SEMA3A: variants seen among roughly 807,000 people sequenced by gnomAD.
SEMA3A encodes semaphorin 3A.
In SEMA3A, 29 loss-of-function variants were observed where a neutral mutation model predicts 97.9. That is an observed-to-expected ratio of 0.30 (90% CI 0.22 to 0.40). SEMA3A has a LOEUF of 0.40. SEMA3A is among the 10% of genes least tolerant of loss of function. SEMA3A has a pLI of 1.00. For synonymous variants in SEMA3A, 321 were observed against 323.7 expected (o/e 0.99, Z 0.09); for missense variants, 763 against 951.3 (o/e 0.80, Z 2.60).
chr7:84,313,710 T>C (rs892289946), intron 2 of SEMA3A, among the ~76,000 whole-genome samples: 2 of 151,810 alleles, frequency 1.3e-5, no homozygotes, highest in East Asian at 1.9e-4. Flanking sequence ...AGCGACAGAA[T>C]CCAATTTTGA....
intron 1 of SEMA3A, among the ~76,000 whole-genome samples, chr7:84,142,009 C>T (rs1445415605): frequency 6.6e-6 from 1 of 152,188 alleles, no homozygotes; most frequent in Non-Finnish European, 1.5e-5. Flanking sequence ...CCACACAAGA[C>T]ACAAGTGTCC....
intron 1 of SEMA3A, among the ~76,000 whole-genome samples, chr7:84,413,101 T>A (rs1391626259): frequency 6.6e-6 from 1 of 152,142 alleles, no homozygotes; most frequent in Admixed American, 6.6e-5. Flanking sequence ...GCTTCTGGAA[T>A]GATTACTATT....
intron 1 of SEMA3A, among the ~76,000 whole-genome samples, chr7:84,172,886 C>T (rs1797436259): frequency 6.6e-6 from 1 of 152,178 alleles, no homozygotes; most frequent in African/African-American, 2.4e-5. Context: ...CTAGAAAAAA[C>T]ATAAATTTCT....
At chr7:84,400,943 T>C (rs1803883718) in intron 1 of SEMA3A, among the ~76,000 whole-genome samples, 1 of 152,192 alleles carries the variant, frequency 6.6e-6, no homozygotes, top group African/African-American at 2.4e-5. Context: ...TGAAAGCTTT[T>C]CCTGTAAGAA....
At chr7:84,158,492 C>CA (rs1448370823) in intron 1 of SEMA3A, among the ~76,000 whole-genome samples, 3 of 152,046 alleles carry the variant, frequency 2.0e-5, no homozygotes, top group Admixed American at 1.3e-4. Flanking sequence ...GATGTGACAA[C>CA]AAAAAATAAA....
chr7:83,964,752 T>C (rs983987529), intron 15 of SEMA3A, among the ~76,000 whole-genome samples: 1 of 152,178 alleles, frequency 6.6e-6, no homozygotes, highest in Admixed American at 6.5e-5. Context: ...TCAGAAATGA[T>C]TGCAATGTAA....
At chr7:84,150,639 G>A (rs1478971564) in intron 1 of SEMA3A, among the ~76,000 whole-genome samples, 2 of 152,162 alleles carry the variant, frequency 1.3e-5, no homozygotes, top group African/African-American at 4.8e-5. Context: ...AGATCAAACT[G>A]CAAGGCGGCA....
intron 3 of SEMA3A, among the ~76,000 whole-genome samples, chr7:84,271,525 T>C (rs1007829501): frequency 6.6e-6 from 1 of 152,116 alleles, no homozygotes; most frequent in African/African-American, 2.4e-5. Flanking sequence ...AACACAAATG[T>C]AAATAAAGAG....
chr7:84,067,697 G>A (rs1793576180), intron 4 of SEMA3A, among the ~76,000 whole-genome samples: 1 of 152,126 alleles, frequency 6.6e-6, no homozygotes, highest in South Asian at 2.1e-4. Context: ...GGTCATCAGA[G>A]AAATGCAAAT....
intron 1 of SEMA3A, among the ~76,000 whole-genome samples, chr7:84,412,199 T>G (rs1015656534): frequency 6.6e-6 from 1 of 152,148 alleles, no homozygotes; most frequent in Admixed American, 6.6e-5. Flanking sequence ...ACAAGGATCA[T>G]GCATGAGGCT....
chr7:84,301,072 C>A (rs1382355602), intron 3 of SEMA3A, among the ~76,000 whole-genome samples: 3 of 151,780 alleles, frequency 2.0e-5, no homozygotes, highest in Non-Finnish European at 4.4e-5. Flanking sequence ...AGATGTTTTT[C>A]CTGCAGGGGA....
At chr7:84,327,186 CAG>C (rs934409025) in intron 2 of SEMA3A, among the ~76,000 whole-genome samples, 3 of 151,894 alleles carry the variant, frequency 2.0e-5, no homozygotes, top group Non-Finnish European at 4.4e-5. Flanking sequence ...ACAATATTTT[CAG>C]AGAGGTGAAC....
intron 13 of SEMA3A, among the ~76,000 whole-genome samples, chr7:83,983,409 C>T (rs1180048179): frequency 1.4e-5 from 2 of 145,546 alleles, no homozygotes; most frequent in Non-Finnish European, 3.1e-5. Context: ...ATCTCTGTTT[C>T]GCCAATAACG....
chr7:84,284,349 G>T (rs1800527899), intron 3 of SEMA3A, among the ~76,000 whole-genome samples: 1 of 152,108 alleles, frequency 6.6e-6, no homozygotes, highest in Non-Finnish European at 1.5e-5. Flanking sequence ...CATTTTCTAA[G>T]TATCACATTC....
intron 3 of SEMA3A, among the ~76,000 whole-genome samples, chr7:84,265,957 A>T (rs1156248546): frequency 2.6e-5 from 4 of 152,190 alleles, no homozygotes; most frequent in Non-Finnish European, 4.4e-5. Context: ...ATCCTAAAGA[A>T]TTTGAATATA....
intron 3 of SEMA3A, among the ~76,000 whole-genome samples, chr7:84,216,988 C>T (rs940989174): frequency 2.6e-5 from 4 of 152,136 alleles, no homozygotes; most frequent in Admixed American, 6.5e-5. Flanking sequence ...AGCGGATATG[C>T]GATTCATGTT....
chr7:84,106,313 C>T lies in SEMA3A; in HGVS notation c.453+4157G>A, dbSNP rs1380041162. The stretch of plus-strand genomic sequence containing the variant: ...TTACATATGTTTAGATGAACAAATA[C>T]TTATTATTATGCTACACATTGCCTA... On this transcript the variant is annotated intron_variant, in intron 4 of 16. Transcript: ENST00000265362. 2.6e-5 allele frequency among the ~76,000 whole-genome samples: 4 copies of T among 152,056 alleles called. No individual in the cohort carries two copies. The East Asian group carries it at 7.7e-4, about 29-fold the overall frequency.
chr7:84,193,556 C>A (rs1420019677), intron 1 of SEMA3A, among the ~76,000 whole-genome samples: 1 of 151,934 alleles, frequency 6.6e-6, no homozygotes, highest in Non-Finnish European at 1.5e-5. Flanking sequence ...TTAATAATAC[C>A]TGAGTTATAG....
intron 3 of SEMA3A, among the ~76,000 whole-genome samples, chr7:84,256,004 T>C (rs1172001637): frequency 6.6e-6 from 1 of 152,054 alleles, no homozygotes; most frequent in Admixed American, 6.6e-5. Flanking sequence ...CATCTGGAGT[T>C]TTCTGAAGAC....
Sources: gnomAD v4.1 joint callset for allele counts (sites outside exome capture counted in the v4.1 genomes callset) on GRCh38, gnomAD v4.1.1 for gene constraint, MANE v1.5 for transcripts, NCBI Gene and HGNC (gene_info 2026-07-23, HGNC 2026-07-21) for gene names.